Variants in FANCI observed in about 807,000 individuals in gnomAD.
The protein encoded by FANCI is FA complementation group I.
In FANCI, 156 loss-of-function variants were observed where a neutral mutation model predicts 176.1. The observed-to-expected ratio is 0.89, with a 90% CI of 0.78 to 1.01. The LOEUF is 1.01. Ranked by LOEUF, FANCI falls within the 50% of genes least tolerant of loss-of-function variation. The probability of loss-of-function intolerance (pLI) is 0.00; values close to 1 mark genes in which losing one functional copy is unlikely to be tolerated. For missense variants in FANCI, 1,678 were observed against 1,534.1 expected, an observed-to-expected ratio of 1.09 and a Z score of -1.57; for synonymous variants, 613 against 541.7, an observed-to-expected ratio of 1.13 and a Z score of -1.83.
Position 89,301,388 on chromosome 15 carries a change from G to C in FANCI, c.2952G>C (p.Leu984=). 6.2e-7 allele frequency: 1 copy of C among 1,614,120 alleles called. No individual in the cohort carries two copies. The highest frequency in any genetic ancestry group is 1.1e-5 in the South Asian group (1 of 91,088). Residue 984 remains leucine, a synonymous_variant, in exon 27 of 38, where the codon CTG becomes CTC. Transcript: ENST00000310775. The part of the protein sequence containing the change: ...EEDFNSKEAL[L]LVTVLTSLSK... ...ATTTTAATAGCAAAGAAGCCCTCCT[G>C]CTAGTCACGGTTCTTACCAGTTTGT...
intron 3 of FANCI, among the ~76,000 whole-genome samples, chr15:89,260,065 A>T (rs754601298): frequency 6.6e-6 from 1 of 152,148 alleles, no homozygotes; most frequent in South Asian, 2.1e-4. Context: ...CTGTTTTCCA[A>T]TGTGGCTGGA....
chr15:89,305,766 G>A (rs2151920226), intron 31 of FANCI, 68 bp downstream of exon 31: 3 of 1,491,658 alleles, frequency 2.0e-6, no homozygotes, highest in African/African-American at 2.8e-5. Context: ...TTGGGTCGGT[G>A]CATAAAAATG....
At position 89,281,304 on chromosome 15, in the gene FANCI, A is replaced by G; in HGVS notation, c.1512+4A>G. On this transcript the variant is annotated splice_donor_region_variant and intron_variant, in intron 15 of 37. Transcript: ENST00000310775. ...AAGGCTGCTTAAGGCAGTGCAGGTAAGTCTTCAGATTCCCAAGTAACTTGC... is the reference window on the plus strand; with the variant it reads ...AAGGCTGCTTAAGGCAGTGCAGGTAGGTCTTCAGATTCCCAAGTAACTTGC... 2 of 1,613,646 alleles carry G rather than the reference A, an allele frequency of 1.2e-6. No individual in the cohort carries two copies. The highest frequency in any genetic ancestry group is 1.7e-6 in the Non-Finnish European group (2 of 1,179,710).
intron 2 of FANCI, among the ~76,000 whole-genome samples, chr15:89,254,099 C>G (rs1271345692): frequency 6.6e-6 from 1 of 152,130 alleles, no homozygotes; most frequent in African/African-American, 2.4e-5. Context: ...TGGCTCACGC[C>G]TGTAATCCCA....
intron 9 of FANCI, among the ~76,000 whole-genome samples, chr15:89,267,748 A>C (rs1438569294): frequency 2.6e-5 from 4 of 152,126 alleles, no homozygotes; most frequent in Non-Finnish European, 5.9e-5. Context: ...CAATATAGTG[A>C]AACTCCATCT....
At chr15:89,295,708 T>C (rs944798267) in intron 24 of FANCI, among the ~76,000 whole-genome samples, 1 of 151,634 alleles carries the variant, frequency 6.6e-6, no homozygotes, top group African/African-American at 2.4e-5. Context: ...TAGGGTCTTT[T>C]TTCTAGTCTT....
At chr15:89,286,349 T>C (rs1028533796) in intron 18 of FANCI, among the ~76,000 whole-genome samples, 5 of 152,164 alleles carry the variant, frequency 3.3e-5, no homozygotes, top group Admixed American at 2.0e-4. Flanking sequence ...TTTTCAACAG[T>C]TTACTGAACG....
At chr15:89,248,174 C>CT (rs1479369332) in intron 2 of FANCI, among the ~76,000 whole-genome samples, 1 of 152,164 alleles carries the variant, frequency 6.6e-6, no homozygotes, top group Non-Finnish European at 1.5e-5. Flanking sequence ...ATTAGGGCCT[C>CT]TGTTTTCACT....
intron 1 of FANCI, among the ~76,000 whole-genome samples, chr15:89,246,784 G>C (rs866445434): frequency 5.8e-5 from 1 of 17,296 alleles, no homozygotes; most frequent in African/African-American, 2.1e-4. Context: ...TTTTTTTTTT[G>C]AGACAGAGCC....
chr15:89,281,756 C>T lies in FANCI; in HGVS notation c.1513-9C>T. On this transcript the variant is annotated splice_polypyrimidine_tract_variant and intron_variant, in intron 15 of 37. Coordinates refer to ENST00000310775, the MANE Select transcript of FANCI (RefSeq NM_001113378.2). ...CTTGTTCTGTTTTTACCCACTGATTCTTTTTCAGCCCCTTCTCAAAGTCAG... is the reference window on the plus strand; with the variant it reads ...CTTGTTCTGTTTTTACCCACTGATTTTTTTTCAGCCCCTTCTCAAAGTCAG... 1.9e-6 allele frequency: 3 copies of T among 1,613,654 alleles called. No individual in the cohort carries two copies. The highest frequency in any genetic ancestry group is 2.5e-6 in the Non-Finnish European group (3 of 1,179,770).
At chr15:89,315,212 A>C (rs758966629) in intron 36 of FANCI, 70 bp from the exon 37 acceptor site, 1 of 1,178,342 alleles carries the variant, frequency 8.5e-7, no homozygotes. Context: ...AGGTGAACTA[A>C]AAATGGCTTA....
chr15:89,278,759 A>G lies in FANCI; in HGVS notation c.1366A>G (p.Ile456Val), dbSNP rs757536456. Residue 456 changes from isoleucine to valine, a missense_variant, in exon 14 of 38, where the codon ATC becomes GTC. Physicochemically the swap from Ile to Val is conservative, Grantham distance 29 (BLOSUM62 3). Around this residue, in one of 3 missense-constraint regions of FANCI, gnomAD observed 1,204 missense variants for 1,077.4 expected, o/e 1.12. Transcript: ENST00000310775. ...GGTTGTTACCAGAGCATCTTCTCCC[A>G]TCAGTCATTTCTTAGGTATTCAACT... ...NRVVTRASSP[I>V]SHFLDLLSNI... is the part of the protein sequence containing the mutation. 3 of 1,613,210 alleles carry G rather than the reference A, an allele frequency of 1.9e-6. No homozygotes were observed. The highest frequency in any genetic ancestry group is 2.2e-5 in the South Asian group (2 of 91,084).
At chr15:89,283,955 G>T (rs1413583621) in intron 17 of FANCI, among the ~76,000 whole-genome samples, 2 of 151,772 alleles carry the variant, frequency 1.3e-5, no homozygotes, top group Non-Finnish European at 2.9e-5. Flanking sequence ...GTAGAGATGG[G>T]GTTTCATTGT....
intron 34 of FANCI, among the ~76,000 whole-genome samples, chr15:89,308,945 CA>C (rs34633263): frequency 9.3e-4 from 128 of 137,276 alleles, no homozygotes; most frequent in East Asian, 2.1e-3. Context: ...AACTCCGTCT[CA>C]AAAAAAAAAA....
intron 1 of FANCI, among the ~76,000 whole-genome samples, chr15:89,247,371 AC>A (rs2052035708): frequency 6.6e-6 from 1 of 152,112 alleles, no homozygotes. Flanking sequence ...AAATTATGAA[AC>A]CACTTGATTA....
At chr15:89,295,305 G>T (rs1235788742) in intron 24 of FANCI, among the ~76,000 whole-genome samples, 1 of 151,158 alleles carries the variant, frequency 6.6e-6, no homozygotes, top group Non-Finnish European at 1.5e-5. Context: ...GGTGGAGGTC[G>T]CAGTGAGCTG....
intron 34 of FANCI, among the ~76,000 whole-genome samples, chr15:89,311,472 G>C (rs1043839670): frequency 6.6e-6 from 1 of 152,032 alleles, no homozygotes; most frequent in Non-Finnish European, 1.5e-5. Context: ...GCCCGGATCA[G>C]TTGGAATGGG....
chr15:89,284,026 G>A (rs929052306), intron 17 of FANCI, among the ~76,000 whole-genome samples: 4 of 152,074 alleles, frequency 2.6e-5, no homozygotes, highest in Admixed American at 2.0e-4. Context: ...CTCCCAAAGT[G>A]CTGGGATTAC....
At chr15:89,308,176 C>G in intron 34 of FANCI, 1 of 1,041,502 alleles carries the variant, frequency 9.6e-7, no homozygotes, top group South Asian at 3.6e-5. Context: ...AGTTTTTTAA[C>G]CTCACCACTA....
Sources: allele counts gnomAD v4.1 joint callset (sites outside exome capture counted in the v4.1 genomes callset), GRCh38; gene constraint gnomAD v4.1.1; regional missense constraint gnomAD v4.1.1; transcripts MANE v1.5; gene names NCBI Gene and HGNC (gene_info 2026-07-23, HGNC 2026-07-21).